UBR1: variants seen among roughly 807,000 people sequenced by gnomAD.
UBR1 encodes E3 ubiquitin-protein ligase UBR1.
UBR1 carries 102 observed loss-of-function variants against 242.1 expected under a neutral mutation model. That is an observed-to-expected ratio of 0.42 (90% CI 0.36 to 0.50). The LOEUF is 0.50. Ranked by LOEUF, UBR1 falls within the 20% of genes least tolerant of loss-of-function variation. The probability of loss-of-function intolerance (pLI) is 0.01; values close to 1 mark genes in which losing one functional copy is unlikely to be tolerated. For synonymous variants in UBR1, 675 were observed against 684.8 expected, an observed-to-expected ratio of 0.99 and a Z score of 0.22; for missense variants, 1,772 against 2,101.8, an observed-to-expected ratio of 0.84 and a Z score of 3.07.
intron 37 of UBR1, among the ~76,000 whole-genome samples, chr15:42,980,677 T>C (rs1011356462): frequency 6.6e-6 from 1 of 152,090 alleles, no homozygotes; most frequent in African/African-American, 2.4e-5. Context: ...AGTACAATCA[T>C]GGCTTACTGC....
intron 29 of UBR1, among the ~76,000 whole-genome samples, chr15:43,009,691 G>A (rs544611692): frequency 4.0e-4 from 61 of 152,336 alleles, no homozygotes; most frequent in African/African-American, 1.4e-3. Flanking sequence ...TCAATAGTAT[G>A]TAGTAGAGCC....
At position 43,102,559 on chromosome 15, in the gene UBR1, T is replaced by C. The variant is rs565142722; in HGVS notation, c.81+3383A>G. Reference sequence around the variant, plus strand: ...TCATGCCAAGAGGTATCTTCTGAAATTGACTTAAGGAAGAAAATCTAGTCG... The same window carrying C: ...TCATGCCAAGAGGTATCTTCTGAAACTGACTTAAGGAAGAAAATCTAGTCG... On this transcript the variant is annotated intron_variant, in intron 1 of 46. Transcript: ENST00000290650. Among the ~76,000 whole-genome samples the C allele has an allele frequency of 3.3e-5, 5 of 152,296 alleles. No individual in the cohort carries two copies. The Middle Eastern group carries it at 0.01, about 311-fold the overall frequency.
chr15:42,954,419 G>A (rs1289505662), intron 44 of UBR1, among the ~76,000 whole-genome samples: 2 of 152,118 alleles, frequency 1.3e-5, no homozygotes, highest in Non-Finnish European at 2.9e-5. Context: ...AGTGGCTAGG[G>A]TGTGAGCTAC....
At chr15:43,015,977 C>G in intron 28 of UBR1, 108 bp from the exon 29 acceptor site, 1 of 946,170 alleles carries the variant, frequency 1.1e-6, no homozygotes. Flanking sequence ...CCCTGATTAC[C>G]CCTTACATCC....
At position 42,978,588 on chromosome 15, in the gene UBR1, A is replaced by G. The variant is rs139421043; in HGVS notation, c.4151-641T>C. On this transcript the variant is annotated intron_variant, in intron 37 of 46. Transcript: ENST00000290650. ...ACAAGAGGAATGGTTTTGTTTATAT[A>G]AAAATGAAGGAATTATTGTAGGTCT... Among the ~76,000 whole-genome samples the G allele has an allele frequency of 2.6e-5, 4 of 152,338 alleles. No individual in the cohort carries two copies. The East Asian group carries it at 7.7e-4, about 29-fold the overall frequency.
At chr15:43,038,674 G>C (rs2033371270) in intron 15 of UBR1, among the ~76,000 whole-genome samples, 1 of 152,118 alleles carries the variant, frequency 6.6e-6, no homozygotes, top group Non-Finnish European at 1.5e-5. Context: ...GCAGACTGTT[G>C]ATTTCTAATT....
rs1264566047 is a variant in UBR1, at chr15:42,952,461, GA to G, written c.4836-14del. The G allele has an allele frequency of 1.2e-6, 2 of 1,614,074 alleles. No individual in the cohort carries two copies. The highest frequency in any genetic ancestry group is 1.7e-6 in the Non-Finnish European group (2 of 1,179,972). On this transcript the variant is annotated splice_polypyrimidine_tract_variant and intron_variant, in intron 44 of 46. Coordinates refer to ENST00000290650, the MANE Select transcript of UBR1 (RefSeq NM_174916.3). ...AGACCGTGGGCACCTCAAAAGAGAA[GA>G]AAACATTTAGAGAATGATGGAAAAA...
chr15:43,003,774 T>G, intron 31 of UBR1, 63 bp downstream of exon 31: 1 of 1,471,998 alleles, frequency 6.8e-7, no homozygotes, highest in Non-Finnish European at 9.5e-7. Context: ...TGCCTTTTTG[T>G]GGCCTTGAGT....
intron 1 of UBR1, among the ~76,000 whole-genome samples, chr15:43,100,725 C>T (rs937624463): frequency 2.6e-5 from 4 of 152,174 alleles, no homozygotes; most frequent in African/African-American, 7.2e-5. Flanking sequence ...GTCCCAGCTA[C>T]TCAGGAGGCT....
chr15:43,064,255 T>C (rs1286877199), intron 6 of UBR1, among the ~76,000 whole-genome samples: 2 of 152,212 alleles, frequency 1.3e-5, no homozygotes, highest in Non-Finnish European at 2.9e-5. Context: ...GTTATTATCA[T>C]AGGACAGTTG....
At chr15:43,104,298 T>C (rs1343341475) in intron 1 of UBR1, among the ~76,000 whole-genome samples, 1 of 152,234 alleles carries the variant, frequency 6.6e-6, no homozygotes, top group Non-Finnish European at 1.5e-5. Context: ...AAAAAATTAA[T>C]GTATCAAAGC....
chr15:42,957,669 G>A (rs1293469482), intron 44 of UBR1, among the ~76,000 whole-genome samples: 1 of 152,108 alleles, frequency 6.6e-6, no homozygotes, highest in Admixed American at 6.6e-5. Context: ...GAGCCCAGGA[G>A]TTCGAGACCA....
rs116735846 is a variant in UBR1, at chr15:43,066,628, G to A, written c.798+1270C>T. On this transcript the variant is annotated intron_variant, in intron 6 of 46. Transcript: ENST00000290650. ...GTTTTTTCCCATTTGTTCGTGTCCTGTTGAGCAGTGGTTTGTAGTTCCCCT... is the reference window on the plus strand; with the variant it reads ...GTTTTTTCCCATTTGTTCGTGTCCTATTGAGCAGTGGTTTGTAGTTCCCCT... 4.0e-3 allele frequency among the ~76,000 whole-genome samples: 606 copies of A among 152,184 alleles called. 3 individuals carry two copies. Among genetic ancestry groups the A allele is most frequent in the South Asian group, 0.015 (72 of 4,816 alleles).
chr15:43,096,961 G>C (rs1022638607), intron 1 of UBR1, among the ~76,000 whole-genome samples: 13 of 151,744 alleles, frequency 8.6e-5, no homozygotes, highest in Non-Finnish European at 1.8e-4. Flanking sequence ...GTTCCTAATG[G>C]CATCTAGAAT....
intron 1 of UBR1, among the ~76,000 whole-genome samples, chr15:43,097,406 T>C (rs1328849713): frequency 6.6e-6 from 1 of 152,230 alleles, no homozygotes; most frequent in Non-Finnish European, 1.5e-5. Context: ...TGGCTTCAAC[T>C]TAAAATTACC....
At chr15:43,042,918 C>G (rs1307539630) in intron 15 of UBR1, among the ~76,000 whole-genome samples, 2 of 151,976 alleles carry the variant, frequency 1.3e-5, no homozygotes. Context: ...AACCAGCAAC[C>G]AGATTTTATT....
At position 43,003,115 on chromosome 15, in the gene UBR1, G is replaced by T. The variant is rs375825104; in HGVS notation, c.3510-411C>A. ...AAGATTTCTCAGGAATTACATTTTT[G>T]AAATTTTATATTTTCCAGAGATAGA... On this transcript the variant is annotated intron_variant, in intron 31 of 46. Coordinates refer to ENST00000290650, the MANE Select transcript of UBR1 (RefSeq NM_174916.3). 11 of 211,236 alleles carry T rather than the reference G, an allele frequency of 5.2e-5. No individual in the cohort carries two copies. The East Asian group carries it at 1.4e-3, about 27-fold the overall frequency. The allele number at this position is 211,236 out of a possible 1,614,324, so 13.1% of individuals were successfully genotyped here. A position where few individuals can be genotyped will look rare whatever the true frequency, so the allele number is the denominator to read the frequency against.
chr15:43,023,684 T>A (rs189896559), intron 25 of UBR1, among the ~76,000 whole-genome samples: 1 of 151,568 alleles, frequency 6.6e-6, no homozygotes, highest in Non-Finnish European at 1.5e-5. Context: ...TTTTCACCTA[T>A]TACAGTGGCA....
intron 29 of UBR1, among the ~76,000 whole-genome samples, chr15:43,010,423 G>A (rs1343115245): frequency 1.3e-5 from 2 of 151,898 alleles, no homozygotes; most frequent in African/African-American, 4.8e-5. Flanking sequence ...ACTACAGAGT[G>A]AAAATGGGAA....
Sources: allele counts gnomAD v4.1 joint callset (sites outside exome capture counted in the v4.1 genomes callset), GRCh38; gene constraint gnomAD v4.1.1; transcripts MANE v1.5; gene names NCBI Gene and HGNC (gene_info 2026-07-23, HGNC 2026-07-21).